The following TPD52 variants were observed in gnomAD, a reference collection of about 807,000 sequenced individuals.
TPD52 encodes prostate and colon associated protein.
Under a neutral mutation model 31.3 loss-of-function variants are expected in TPD52, and 17 were observed. That is an observed-to-expected ratio of 0.54 (90% CI 0.37 to 0.82). TPD52 has a LOEUF of 0.82. Ranked by LOEUF, TPD52 falls within the 40% of genes least tolerant of loss-of-function variation. The pLI, the probability that TPD52 is intolerant of heterozygous loss-of-function variation, is 0.00. For synonymous variants in TPD52, 83 were observed against 89.6 expected, an observed-to-expected ratio of 0.93 and a Z score of 0.42; for missense variants, 212 against 240.1, an observed-to-expected ratio of 0.88 and a Z score of 0.77.
chr8:80,113,599 T>TA (rs1416079039), intron 1 of TPD52, among the ~76,000 whole-genome samples: 4 of 152,118 alleles, frequency 2.6e-5, no homozygotes, highest in South Asian at 2.1e-4. Flanking sequence ...TATGCTGCCA[T>TA]AAAAAAGAAT....
intron 1 of TPD52, among the ~76,000 whole-genome samples, chr8:80,157,832 A>T (rs976509268): frequency 5.3e-5 from 8 of 152,198 alleles, no homozygotes; most frequent in African/African-American, 1.9e-4. Context: ...CATTAAAGTG[A>T]ATTATTGCTT....
At chr8:80,042,500 T>C in intron 7 of TPD52, 120 bp downstream of exon 7, 2 of 1,478,628 alleles carry the variant, frequency 1.4e-6, no homozygotes, top group Non-Finnish European at 1.8e-6. Context: ...AGGAGTAAAG[T>C]TATTTACATT....
At chr8:80,147,440 G>A (rs1376991598) in intron 1 of TPD52, among the ~76,000 whole-genome samples, 1 of 152,178 alleles carries the variant, frequency 6.6e-6, no homozygotes, top group Non-Finnish European at 1.5e-5. Flanking sequence ...AGTTCAGCTG[G>A]TCTTACTGGT....
At chr8:80,161,710 A>ATT (rs1472553909) in intron 1 of TPD52, among the ~76,000 whole-genome samples, 8 of 102,208 alleles carry the variant, frequency 7.8e-5, no homozygotes, top group Non-Finnish European at 1.5e-4. Context: ...TCAAGAACAC[A>ATT]TTTATATATA....
At chr8:80,082,535 A>G (rs1815399244) in intron 1 of TPD52, among the ~76,000 whole-genome samples, 1 of 152,242 alleles carries the variant, frequency 6.6e-6, no homozygotes, top group Non-Finnish European at 1.5e-5. Flanking sequence ...CCATCTCTCA[A>G]GCCCATGTCC....
chr8:80,160,645 T>C (rs60953448), intron 1 of TPD52, among the ~76,000 whole-genome samples: 29,445 of 152,028 alleles, frequency 0.19, 3,916 homozygotes, highest in African/African-American at 0.37. Context: ...CACTTTCCAC[T>C]ACTGTCAACA....
intron 1 of TPD52, among the ~76,000 whole-genome samples, chr8:80,075,870 G>A (rs2130791054): frequency 6.6e-6 from 1 of 152,284 alleles, no homozygotes; most frequent in South Asian, 2.1e-4. Flanking sequence ...ATGCAATCAT[G>A]AAAAACTTTT....
chr8:80,141,550 T>A (rs1303002497), intron 1 of TPD52, among the ~76,000 whole-genome samples: 1 of 152,148 alleles, frequency 6.6e-6, no homozygotes, highest in Admixed American at 6.5e-5. Flanking sequence ...TACTGCGACC[T>A]CATGGAAGAC....
chr8:80,112,096 G>A (rs1321625254), intron 1 of TPD52, among the ~76,000 whole-genome samples: 1 of 152,158 alleles, frequency 6.6e-6, no homozygotes, highest in Non-Finnish European at 1.5e-5. Flanking sequence ...CACAGCACAA[G>A]GACAAATAAA....
At chr8:80,156,298 G>C (rs1233044398) in intron 1 of TPD52, among the ~76,000 whole-genome samples, 1 of 152,194 alleles carries the variant, frequency 6.6e-6, no homozygotes, top group Non-Finnish European at 1.5e-5. Flanking sequence ...TTCGCTCAGG[G>C]TTCTCAAGGC....
At chr8:80,074,028 T>C (rs970721380) in intron 1 of TPD52, among the ~76,000 whole-genome samples, 1 of 152,232 alleles carries the variant, frequency 6.6e-6, no homozygotes. Context: ...CTAAGATATC[T>C]GCTATTTAGC....
intron 1 of TPD52, among the ~76,000 whole-genome samples, chr8:80,141,413 C>T (rs7835132): frequency 0.51 from 77,494 of 151,988 alleles, 20,266 homozygotes; most frequent in East Asian, 0.78. Context: ...AGGGAAGCCA[C>T]GTTGTGAACA....
chr8:80,106,846 A>C (rs960971133), intron 1 of TPD52, among the ~76,000 whole-genome samples: 3 of 142,326 alleles, frequency 2.1e-5, no homozygotes, highest in African/African-American at 7.6e-5. Context: ...CCCCAAAAAA[A>C]CATAAATAAC....
intron 1 of TPD52, among the ~76,000 whole-genome samples, chr8:80,102,699 G>A (rs560755197): frequency 1.1e-3 from 166 of 152,194 alleles, no homozygotes; most frequent in Non-Finnish European, 1.5e-3. Flanking sequence ...GTGTCTTTGC[G>A]TATTAATGAG....
chr8:80,066,666 C>T (rs2130709893), intron 1 of TPD52, among the ~76,000 whole-genome samples: 1 of 152,314 alleles, frequency 6.6e-6, no homozygotes, highest in African/African-American at 2.4e-5. Context: ...GGACCCGTCT[C>T]CTGCTAGCTG....
chr8:80,042,507 C>A, intron 7 of TPD52, 113 bp downstream of exon 7: 1 of 1,493,292 alleles, frequency 6.7e-7, no homozygotes, highest in Non-Finnish European at 8.9e-7. Flanking sequence ...AAGTTATTTA[C>A]ATTCTTTAGA....
rs1252184620 is a variant in TPD52, at chr8:80,037,299, C to G, written c.*817G>C. 2 of 152,368 alleles carry G rather than the reference C, an allele frequency of 1.3e-5. No homozygotes were observed. The highest frequency in any genetic ancestry group is 2.9e-5 in the Non-Finnish European group (2 of 68,014). The allele number at this position is 152,368 out of a possible 1,614,324, so 9.4% of individuals were successfully genotyped here. On this transcript the variant is annotated 3_prime_UTR_variant, in exon 8 of 8. Coordinates refer to ENST00000518937, the MANE Select transcript of TPD52 (RefSeq NM_001025253.3). ...AGGCTTTTGAACTGAACATTGATGA[C>G]AGTGTTCATAGTTCAACCTACTGAA...
At chr8:80,044,590 CACACACAT>C (rs58875502) in intron 5 of TPD52, among the ~76,000 whole-genome samples, 4 of 151,432 alleles carry the variant, frequency 2.6e-5, no homozygotes, top group Non-Finnish European at 5.9e-5. Context: ...AGCATGCACA[CACACACAT>C]ACACACATAC....
chr8:80,056,669 C>T (rs1811920210), intron 2 of TPD52, among the ~76,000 whole-genome samples: 1 of 151,948 alleles, frequency 6.6e-6, no homozygotes, highest in African/African-American at 2.4e-5. Flanking sequence ...CACTTCATAC[C>T]CATTAGGATG....
Sources: gnomAD v4.1 joint callset for allele counts (sites outside exome capture counted in the v4.1 genomes callset) on GRCh38, gnomAD v4.1.1 for gene constraint, MANE v1.5 for transcripts, NCBI Gene and HGNC (gene_info 2026-07-23, HGNC 2026-07-21) for gene names.